Variants in KDM2A observed in about 807,000 individuals in gnomAD.
KDM2A encodes lysine-specific demethylase 2A.
A neutral mutation model predicts 137.3 loss-of-function variants in KDM2A; 3 were observed. The observed-to-expected ratio is 0.02, with a 90% CI of 0.01 to 0.06. KDM2A has a LOEUF of 0.06. KDM2A is among the 10% of genes least tolerant of loss of function. The pLI is 1.00. For missense variants in KDM2A, 738 were observed against 1,510.6 expected (o/e 0.49, Z 8.48); for synonymous variants, 512 against 541.5 (o/e 0.95, Z 0.76).
chr11:67,219,252 G>GT lies in KDM2A; in HGVS notation c.842-32dup, dbSNP rs1217082031. The GT allele has an allele frequency of 2.7e-6, 3 of 1,104,602 alleles. No individual in the cohort carries two copies. The Admixed American group carries it at 6.8e-5, about 25-fold the overall frequency. The allele number at this position is 1,104,602 out of a possible 1,614,324, so 68.4% of individuals were successfully genotyped here. A position where few individuals can be genotyped will look rare whatever the true frequency, so the allele number is the denominator to read the frequency against. On this transcript the variant is annotated intron_variant, in intron 9 of 20. Transcript: ENST00000529006. ...CTGAGAGAGACTTACTGTAATGTGTGTTTTCAGCCACTGCCCTCTGTTCCC... is the reference window on the plus strand; with the variant it reads ...CTGAGAGAGACTTACTGTAATGTGTGTTTTTCAGCCACTGCCCTCTGTTCCC...
At position 67,213,582 on chromosome 11, in the gene KDM2A, A is replaced by C. The variant is rs140402984; in HGVS notation, c.487-1758A>C. On this transcript the variant is annotated intron_variant, in intron 6 of 20. Transcript: ENST00000529006. ...AGACCAGCCTGGCCAAGATGGTGAA[A>C]CCCTGTCTCTACTAAAAAATACAAA... 5.6e-3 allele frequency among the ~76,000 whole-genome samples: 849 copies of C among 151,866 alleles called. 2 individuals carry two copies. Among genetic ancestry groups the C allele is most frequent in the African/African-American group, 0.02 (828 of 41,372 alleles).
At chr11:67,242,314 GAGAA>G (rs971609553) in intron 12 of KDM2A, among the ~76,000 whole-genome samples, 8 of 151,922 alleles carry the variant, frequency 5.3e-5, no homozygotes, top group South Asian at 4.2e-4. Context: ...GAGAGAGAGA[GAGAA>G]AGAAAGAGAT....
At chr11:67,221,820 A>G (rs1244893210) in intron 10 of KDM2A, among the ~76,000 whole-genome samples, 3 of 152,006 alleles carry the variant, frequency 2.0e-5, no homozygotes, top group African/African-American at 4.8e-5. Flanking sequence ...CTGTAATCCT[A>G]GCTACTGGGG....
At chr11:67,247,061 A>AT (rs1422012809) in intron 15 of KDM2A, among the ~76,000 whole-genome samples, 12 of 24,470 alleles carry the variant, frequency 4.9e-4, no homozygotes, top group African/African-American at 1.9e-3. Context: ...ATATATATAT[A>AT]TATATATATA....
chr11:67,157,187 C>T (rs2136312924), intron 2 of KDM2A, among the ~76,000 whole-genome samples: 1 of 151,318 alleles, frequency 6.6e-6, no homozygotes, highest in African/African-American at 2.4e-5. Flanking sequence ...GTGGTGGGTG[C>T]CTGTAGTCCC....
chr11:67,240,074 G>C (rs1858982350), intron 12 of KDM2A: 1 of 1,338,022 alleles, frequency 7.5e-7, no homozygotes, highest in African/African-American at 1.5e-5. Context: ...GGAGCTGCAT[G>C]TGGGTGACGC....
chr11:67,247,318 A>G (rs1282241146), intron 15 of KDM2A, among the ~76,000 whole-genome samples: 1 of 148,660 alleles, frequency 6.7e-6, no homozygotes, highest in Middle Eastern at 3.6e-3. Flanking sequence ...TCGAACTCCT[A>G]ACCTCAAGTG....
At chr11:67,229,113 G>A (rs2095563896) in intron 11 of KDM2A, among the ~76,000 whole-genome samples, 2 of 152,122 alleles carry the variant, frequency 1.3e-5, no homozygotes, top group Admixed American at 6.6e-5. Context: ...TGTATTCTAG[G>A]CACTATACTA....
At chr11:67,247,061 A>ATTTTTTT (rs1422012809) in intron 15 of KDM2A, among the ~76,000 whole-genome samples, 26 of 24,474 alleles carry the variant, frequency 1.1e-3, no homozygotes, top group African/African-American at 4.3e-3. Context: ...ATATATATAT[A>ATTTTTTT]TATATATATA....
At position 67,254,801 on chromosome 11, in the gene KDM2A, G is replaced by T; in HGVS notation, c.3308-73G>T. The stretch of plus-strand genomic sequence containing the variant: ...TTGTTTAGCATTTTGAAGGAAAGAC[G>T]GCTACAGGAATTGAATGGCAGAGGA... On this transcript the variant is annotated intron_variant, in intron 20 of 20. Coordinates refer to ENST00000529006, the MANE Select transcript of KDM2A (RefSeq NM_012308.3). This position sits in a 1 kb window ranked among gnomAD's most constrained non-coding sequence, Gnocchi z 4.7. The T allele has an allele frequency of 7.3e-7, 1 of 1,374,190 alleles. No individual in the cohort carries two copies. Among genetic ancestry groups the T allele is most frequent in the Non-Finnish European group, 1.0e-6 (1 of 980,036 alleles). 85.1% of individuals were successfully genotyped at this position (1,374,190 alleles called of 1,614,324 possible).
Position 67,157,608 on chromosome 11 carries a change from A to T in KDM2A, c.43-22471A>T, listed in dbSNP as rs540963675. Among the ~76,000 whole-genome samples, 21 of 151,274 alleles carry T rather than the reference A, an allele frequency of 1.4e-4. No individual in the cohort carries two copies. The South Asian group carries it at 4.2e-3, about 30-fold the overall frequency. ...AAAAATACAAAAATTAGCCAGACAC[A>T]GTGGCACGCGCCTGAAATCCCAGCT... On this transcript the variant is annotated intron_variant, in intron 2 of 20. Coordinates refer to ENST00000529006, the MANE Select transcript of KDM2A (RefSeq NM_012308.3).
intron 2 of KDM2A, among the ~76,000 whole-genome samples, chr11:67,169,742 TCTCTCTCTCTCTCTCTC>T (rs1856835428): frequency 2.0e-5 from 1 of 48,866 alleles, no homozygotes; most frequent in Non-Finnish European, 1.3e-4. Flanking sequence ...CTTCTCTCTC[TCTCTCTCTCTCTCTCTC>T]TTTTTTTTTT....
In KDM2A at chr11:67,127,537, G is replaced by A. The variant is rs150386356; in HGVS notation, c.42+6179G>A. 1.4e-3 allele frequency among the ~76,000 whole-genome samples: 219 copies of A among 152,144 alleles called. 2 individuals are homozygous for A. Among genetic ancestry groups the A allele is most frequent in the Middle Eastern group, 6.8e-3 (2 of 294 alleles). On this transcript the variant is annotated intron_variant, in intron 2 of 20. Transcript: ENST00000529006. ...ATGTTATTATCGCATGTTCAATCCT[G>A]TTAACCTGTCTTACATATAATTATG...
intron 11 of KDM2A, among the ~76,000 whole-genome samples, chr11:67,228,882 A>G (rs2067839059): frequency 6.6e-6 from 1 of 151,990 alleles, no homozygotes; most frequent in African/African-American, 2.4e-5. Flanking sequence ...ACACACCACT[A>G]TGCCCAGCTA....
chr11:67,125,736 G>A (rs149151088), intron 2 of KDM2A, among the ~76,000 whole-genome samples: 12,922 of 148,412 alleles, frequency 0.087, 1,899 homozygotes, highest in African/African-American at 0.3. Context: ...CAGAGATTGC[G>A]CCACTGCACT....
intron 2 of KDM2A, among the ~76,000 whole-genome samples, chr11:67,143,999 T>G (rs1856185332): frequency 6.6e-6 from 1 of 151,494 alleles, no homozygotes; most frequent in Non-Finnish European, 1.5e-5. Flanking sequence ...TGGCGTGCAG[T>G]GGTGCAATCT....
intron 5 of KDM2A, among the ~76,000 whole-genome samples, chr11:67,194,002 C>G (rs547488989): frequency 6.6e-6 from 1 of 152,218 alleles, no homozygotes; most frequent in African/African-American, 2.4e-5. Context: ...TCTCACTGCA[C>G]CTGTCCACCA....
At position 67,255,324 on chromosome 11, in the gene KDM2A, TACTC is replaced by T. The variant is rs955722539; in HGVS notation, c.*270_*273del. The T allele has an allele frequency of 5.8e-5, 29 of 502,602 alleles. No individual in the cohort carries two copies. The highest frequency in any genetic ancestry group is 3.3e-4 in the South Asian group (17 of 51,610). The allele number at this position is 502,602 out of a possible 1,614,324, so 31.1% of individuals were successfully genotyped here. On this transcript the variant is annotated 3_prime_UTR_variant, in exon 21 of 21. Transcript: ENST00000529006. ...TGTGCTGTCGAGGCGCCTGCTCGCT[TACTC>T]GCCTGCCAGGAGGCCGGGCTCTCAG...
intron 2 of KDM2A, among the ~76,000 whole-genome samples, chr11:67,169,767 T>C (rs941243434): frequency 1.3e-4 from 10 of 75,420 alleles, no homozygotes; most frequent in Non-Finnish European, 1.9e-4. Flanking sequence ...CTCTTTTTTT[T>C]TTTTTTTTGA....
Sources: allele counts gnomAD v4.1 joint callset (sites outside exome capture counted in the v4.1 genomes callset), GRCh38; gene constraint gnomAD v4.1.1; non-coding constraint Gnocchi (gnomAD v3.1); transcripts MANE v1.5; gene names NCBI Gene and HGNC (gene_info 2026-07-23, HGNC 2026-07-21).